LANCL2: variants seen among roughly 807,000 people sequenced by gnomAD.
LANCL2 encodes the protein lanC-like protein 2.
LANCL2 carries 33 observed loss-of-function variants against 56.9 expected under a neutral mutation model. The observed-to-expected ratio is 0.58, with a 90% CI of 0.44 to 0.78. The LOEUF (loss-of-function observed/expected upper bound fraction) is 0.78, where lower values mean the gene tolerates loss of function less well. LANCL2 is among the 30% of genes least tolerant of loss of function. The probability of loss-of-function intolerance (pLI) is 0.00; values close to 1 mark genes in which losing one functional copy is unlikely to be tolerated. For missense variants in LANCL2, 562 were observed against 580.2 expected (o/e 0.97, Z 0.32); for synonymous variants, 233 against 228.2 (o/e 1.02, Z -0.19).
chr7:55,404,918 G>T (rs1190875099), intron 5 of LANCL2, among the ~76,000 whole-genome samples: 3 of 152,150 alleles, frequency 2.0e-5, no homozygotes, highest in South Asian at 4.1e-4. Context: ...CATGATGCAG[G>T]TACATGCTTT....
At chr7:55,405,266 T>A (rs1790392181) in intron 5 of LANCL2, among the ~76,000 whole-genome samples, 2 of 152,136 alleles carry the variant, frequency 1.3e-5, no homozygotes, top group South Asian at 4.1e-4. Flanking sequence ...GATGTTTTCT[T>A]TCTCTGCCTT....
chr7:55,421,959 T>C (rs1188710166), intron 6 of LANCL2, among the ~76,000 whole-genome samples: 1 of 152,220 alleles, frequency 6.6e-6, no homozygotes, highest in East Asian at 1.9e-4. Flanking sequence ...CTCGAACTCC[T>C]GGGCTCAAGT....
At chr7:55,409,661 G>A (rs1016286700) in intron 5 of LANCL2, among the ~76,000 whole-genome samples, 1 of 152,178 alleles carries the variant, frequency 6.6e-6, no homozygotes, top group African/African-American at 2.4e-5. Flanking sequence ...TCCCAGGACA[G>A]CAGTGTCACA....
chr7:55,365,740 G>A lies in LANCL2; in HGVS notation c.-286G>A, dbSNP rs1789851173. 3.2e-6 allele frequency: 1 copy of A among 310,296 alleles called. No homozygotes were observed. The highest frequency in any genetic ancestry group is 5.1e-5 in the Admixed American group (1 of 19,646). The allele number at this position is 310,296 out of a possible 1,614,324, so 19.2% of individuals were successfully genotyped here. A position where few individuals can be genotyped will look rare whatever the true frequency, so the allele number is the denominator to read the frequency against. On this transcript the variant is annotated 5_prime_UTR_variant, in exon 1 of 9. Coordinates refer to ENST00000254770, the MANE Select transcript of LANCL2 (RefSeq NM_018697.4). ...GCGAGGAGGCGCGAGCAGGCTGTGA[G>A]CCGCTGGGCGCTCCCGCGAGCCCGC... is the stretch of plus-strand genomic sequence containing the variant.
intron 2 of LANCL2, among the ~76,000 whole-genome samples, chr7:55,393,554 CA>C (rs1438394103): frequency 7.7e-6 from 1 of 130,004 alleles, no homozygotes; most frequent in Non-Finnish European, 1.7e-5. Flanking sequence ...ACAAGCAAAC[CA>C]AAAACCAAAA....
intron 2 of LANCL2, among the ~76,000 whole-genome samples, chr7:55,393,379 A>G (rs2128993003): frequency 6.6e-6 from 1 of 152,310 alleles, no homozygotes; most frequent in South Asian, 2.1e-4. Context: ...TAAAAATACG[A>G]AAATTAGCTG....
At chr7:55,408,043 G>T (rs1464016271) in intron 5 of LANCL2, among the ~76,000 whole-genome samples, 1 of 152,204 alleles carries the variant, frequency 6.6e-6, no homozygotes, top group Admixed American at 6.5e-5. Flanking sequence ...CAAAGAGAAA[G>T]CAGGAAGTGG....
chr7:55,412,229 C>T (rs1481093057), intron 6 of LANCL2, 140 bp downstream of exon 6: 11 of 744,658 alleles, frequency 1.5e-5, no homozygotes, highest in Non-Finnish European at 2.1e-5. Context: ...AATAAAGTCT[C>T]TGTATTTTAC....
chr7:55,382,370 G>A (rs2128991903), intron 1 of LANCL2, among the ~76,000 whole-genome samples: 1 of 152,286 alleles, frequency 6.6e-6, no homozygotes, highest in South Asian at 2.1e-4. Context: ...GTTACTGCAT[G>A]GCCTTAGCAG....
chr7:55,432,110 G>C lies in LANCL2; in HGVS notation c.*790G>C, dbSNP rs943525056. ...AGGCAGCAGTGACTAAGCACTGGCAGTTCCAGAACATTTACCCAGGTATAT... is the reference window on the plus strand; with the variant it reads ...AGGCAGCAGTGACTAAGCACTGGCACTTCCAGAACATTTACCCAGGTATAT... On this transcript the variant is annotated 3_prime_UTR_variant, in exon 9 of 9. Coordinates refer to ENST00000254770, the MANE Select transcript of LANCL2 (RefSeq NM_018697.4). The C allele has an allele frequency of 6.6e-6, 1 of 152,200 alleles. No individual in the cohort carries two copies. The highest frequency in any genetic ancestry group is 1.9e-4 in the East Asian group (1 of 5,196). The allele number at this position is 152,200 out of a possible 1,614,324, so 9.4% of individuals were successfully genotyped here.
At chr7:55,376,888 T>C (rs955572122) in intron 1 of LANCL2, among the ~76,000 whole-genome samples, 1 of 152,242 alleles carries the variant, frequency 6.6e-6, no homozygotes, top group Admixed American at 6.5e-5. Context: ...ATAACTAATA[T>C]TATACTCAAA....
chr7:55,366,050 C>G lies in LANCL2; in HGVS notation c.25C>G (p.Leu9Val). ...GATGGGCGAGACCATGTCAAAGAGG[C>G]TGAAGCTCCACCTGGGAGGGGAGGC... The part of the protein sequence containing the change: MGETMSKR[L>V]KLHLGGEAEM... Residue 9 changes from leucine (L) to valine (V), a missense_variant, in exon 1 of 9, where the codon CTG (leucine) becomes GTG (valine). Physicochemically the swap from Leu to Val is conservative, Grantham distance 32. Around this residue, in one of 2 missense-constraint regions of LANCL2, gnomAD observed 184 missense variants for 111.8 expected, o/e 1.65. Coordinates refer to ENST00000254770, the MANE Select transcript of LANCL2 (RefSeq NM_018697.4). 1.3e-6 allele frequency: 2 copies of G among 1,515,954 alleles called. 1 individual carries two copies. Among genetic ancestry groups the G allele is most frequent in the South Asian group, 2.5e-5 (2 of 81,484 alleles). 93.9% of individuals were successfully genotyped at this position (1,515,954 alleles called of 1,614,324 possible).
intron 1 of LANCL2, among the ~76,000 whole-genome samples, chr7:55,373,352 A>AC (rs1789966743): frequency 6.6e-6 from 1 of 152,000 alleles, no homozygotes. Flanking sequence ...CCACACTGGC[A>AC]CAATCATAGC....
chr7:55,399,017 A>G (rs959068529), intron 3 of LANCL2, among the ~76,000 whole-genome samples: 13 of 152,190 alleles, frequency 8.5e-5, no homozygotes, highest in Non-Finnish European at 1.6e-4. Flanking sequence ...TATTGCACCT[A>G]TTGGTTTACG....
chr7:55,366,150 G>T lies in LANCL2; in HGVS notation c.125G>T (p.Gly42Val). 6.4e-7 allele frequency: 1 copy of T among 1,552,094 alleles called. No homozygotes were observed. The highest frequency in any genetic ancestry group is 1.2e-5 in the South Asian group (1 of 84,070). Residue 42 changes from glycine (G) to valine (V), a missense_variant, in exon 1 of 9, where the codon GGA becomes GTA. Gly to Val is a moderately radical substitution (Grantham distance 109). This residue lies in a region of LANCL2 where 184 missense variants were observed against 111.8 expected (regional missense o/e 1.65). Transcript: ENST00000254770. ...EAAAGALLAS[G>V]AAEETGCVRP... The stretch of plus-strand genomic sequence containing the variant: ...GCCGCCGGGGCGCTGCTCGCCTCCG[G>T]AGCGGCCGAAGAGACAGGCTGTGTT...
In LANCL2 at chr7:55,426,890, A is replaced by G. The variant is rs556897433; in HGVS notation, c.1185+1460A>G. On this transcript the variant is annotated intron_variant, in intron 7 of 8. Transcript: ENST00000254770. ...GATGATGTGATGATGGTAGATGACT[A>G]TGCAAATATGGGCAATGCGAGAAGA... is the stretch of plus-strand genomic sequence containing the variant. 3.3e-5 allele frequency among the ~76,000 whole-genome samples: 5 copies of G among 152,308 alleles called. No homozygotes were observed. In the South Asian group the frequency reaches 1.0e-3, roughly 32 times the overall value.
intron 6 of LANCL2, among the ~76,000 whole-genome samples, chr7:55,419,763 T>C (rs1268926785): frequency 6.6e-6 from 1 of 152,240 alleles, no homozygotes; most frequent in Non-Finnish European, 1.5e-5. Flanking sequence ...AGATAGCAGC[T>C]GTGTCAAAGT....
intron 6 of LANCL2, among the ~76,000 whole-genome samples, chr7:55,416,507 G>A (rs1034041226): frequency 3.9e-5 from 6 of 152,128 alleles, no homozygotes; most frequent in South Asian, 4.2e-4. Flanking sequence ...TTTCGAACTC[G>A]TGGACTCAAG....
At chr7:55,400,531 C>T (rs138353780) in intron 4 of LANCL2, among the ~76,000 whole-genome samples, 211 of 152,302 alleles carry the variant, frequency 1.4e-3, no homozygotes, top group African/African-American at 4.9e-3. Flanking sequence ...GGCAACGCAG[C>T]TTCCTTGTTA....
Sources: allele counts gnomAD v4.1 joint callset (sites outside exome capture counted in the v4.1 genomes callset), GRCh38; gene constraint gnomAD v4.1.1; regional missense constraint gnomAD v4.1.1; transcripts MANE v1.5; gene names NCBI Gene and HGNC (gene_info 2026-07-23, HGNC 2026-07-21).